The following RAB40A variants were observed in gnomAD, a reference collection of about 807,000 sequenced individuals.
RAB40A encodes the protein ras-related protein Rab-40A.
For missense variants in RAB40A, 145 were observed against 230.2 expected, an observed-to-expected ratio of 0.63 and a Z score of 2.40; for synonymous variants, 65 against 99.9, an observed-to-expected ratio of 0.65 and a Z score of 2.08.
chrX:103,495,821 A>G (rs2073166803), downstream of RAB40A, among the ~76,000 whole-genome samples: 1 of 111,892 alleles, frequency 8.9e-6, no homozygotes, highest in Non-Finnish European at 1.9e-5. Flanking sequence ...TCTTTTGGCT[A>G]TGTACCTAGG....
At chrX:103,503,958 C>T (rs766859140) in intron 2 of RAB40A, among the ~76,000 whole-genome samples, 1 of 111,759 alleles carries the variant, frequency 8.9e-6, no homozygotes, top group East Asian at 2.8e-4. Context: ...AACATGTGCA[C>T]AGTACTTTTG....
intron 1 of RAB40A, 144 bp downstream of exon 1, chrX:103,519,226 T>C (rs1341764061): frequency 8.9e-6 from 1 of 112,025 alleles, no homozygotes; most frequent in Non-Finnish European, 1.9e-5. Flanking sequence ...CTGGGATACA[T>C]GTGGAGAATG....
In RAB40A at chrX:103,499,324, T is replaced by C. The variant is rs1187963564; in HGVS notation, c.*599A>G. On this transcript the variant is annotated 3_prime_UTR_variant, in exon 3 of 3. Transcript: ENST00000304236. The stretch of plus-strand genomic sequence containing the variant: ...AAAAAAGTAGATTTACAGAAAAACA[T>C]ACATATAAATCACGTATTAATCCCC... 8.2e-6 allele frequency: 1 copy of C among 122,684 alleles called. No homozygotes were observed. Among genetic ancestry groups the C allele is most frequent in the African/African-American group, 3.2e-5 (1 of 30,888 alleles). The allele number at this position is 122,684 out of a possible 1,213,427, so 10.1% of individuals were successfully genotyped here.
intron 2 of RAB40A, among the ~76,000 whole-genome samples, chrX:103,512,057 T>TA (rs1175607376): frequency 2.7e-5 from 3 of 111,106 alleles, no homozygotes; most frequent in Non-Finnish European, 5.7e-5. Context: ...CACCAGATAC[T>TA]AGGAACAGGA....
Position 103,500,776 on chromosome X carries a change from C to A in RAB40A, c.-20G>T, listed in dbSNP as rs1409548356. 1 of 1,201,892 alleles carries A rather than the reference C, an allele frequency of 8.3e-7. No homozygotes were observed. The highest frequency in any genetic ancestry group is 2.3e-4 in the Middle Eastern group (1 of 4,283). On this transcript the variant is annotated 5_prime_UTR_variant, in exon 3 of 3. Transcript: ENST00000304236. Reference sequence around the variant, plus strand: ...GCTCATGGTGCTGGCCCCGCACTCCCGCCTGAGCCAGGCCCGCGGGGTTGT... The same window carrying A: ...GCTCATGGTGCTGGCCCCGCACTCCAGCCTGAGCCAGGCCCGCGGGGTTGT...
downstream of RAB40A, among the ~76,000 whole-genome samples, chrX:103,495,113 T>C (rs1424061196): frequency 8.9e-6 from 1 of 112,066 alleles, no homozygotes; most frequent in Non-Finnish European, 1.9e-5. Flanking sequence ...TAGCTTTCAT[T>C]ATAGAGGCCT....
chrX:103,501,374 G>C (rs2073226974), intron 2 of RAB40A: 1 of 123,975 alleles, frequency 8.1e-6, no homozygotes, highest in Admixed American at 9.4e-5. Context: ...GGCCATGCCG[G>C]GTTTAGGAGT....
At position 103,500,228 on chromosome X, in the gene RAB40A, G is replaced by A; in HGVS notation, c.529C>T (p.Arg177Trp). Residue 177 changes from arginine (R) to tryptophan (W), a missense_variant, in exon 3 of 3, where the codon CGG becomes TGG. Transcript: ENST00000304236. ...CTCCCGAGCCAATTCATCCTGTGCC[G>A]CAGCAGCACTATCCTGGCCAGCTCC... ...FTELARIVLL[R>W]HRMNWLGRPS... 1.5e-5 allele frequency: 18 copies of A among 1,211,219 alleles called. No homozygotes were observed. The highest frequency in any genetic ancestry group is 1.9e-5 in the Non-Finnish European group (17 of 895,008).
chrX:103,500,936 T>C (rs900723623), intron 2 of RAB40A, 110 bp from the exon 3 acceptor site: 978 of 881,061 alleles, frequency 1.1e-3, no homozygotes, highest in Non-Finnish European at 1.4e-3. Context: ...CCTAGGAAAC[T>C]GATTCAGCGA....
At chrX:103,498,791 G>C (rs1181841379), downstream of RAB40A, among the ~76,000 whole-genome samples, 6 of 112,229 alleles carry the variant, frequency 5.3e-5, no homozygotes. Flanking sequence ...AATTACAAAA[G>C]AGTACAAGGA....
intron 2 of RAB40A, among the ~76,000 whole-genome samples, chrX:103,508,868 G>C (rs1231273118): frequency 8.9e-6 from 1 of 111,742 alleles, no homozygotes; most frequent in Non-Finnish European, 1.9e-5. Context: ...TTTAGTGTGT[G>C]TGTGTAGATA....
At chrX:103,513,736 G>A (rs902222436) in intron 2 of RAB40A, among the ~76,000 whole-genome samples, 4 of 110,477 alleles carry the variant, frequency 3.6e-5, no homozygotes, top group African/African-American at 1.3e-4. Flanking sequence ...TTTCACATTC[G>A]AGATACACTG....
intron 2 of RAB40A, among the ~76,000 whole-genome samples, chrX:103,509,204 G>A (rs73520355): frequency 0.15 from 16,648 of 110,415 alleles, 3,103 homozygotes; most frequent in African/African-American, 0.52. Context: ...ACTTCTTCAC[G>A]TCAACTTTTA....
chrX:103,512,218 G>A (rs915964899), intron 2 of RAB40A, among the ~76,000 whole-genome samples: 2 of 111,938 alleles, frequency 1.8e-5, no homozygotes, highest in African/African-American at 6.5e-5. Context: ...AACTGTGAGA[G>A]ACTAAATTTC....
At position 103,506,832 on chromosome X, in the gene RAB40A, T is replaced by G. The variant is rs1429655713; in HGVS notation, c.-70-6006A>C. On this transcript the variant is annotated intron_variant, in intron 2 of 2. Coordinates refer to ENST00000304236, the MANE Select transcript of RAB40A (RefSeq NM_080879.3). ...TCCAAAAGTACAATCATAGTCCTCA[T>G]TTTTTGCATCTTGTCATTATAAATT... 4.5e-5 allele frequency among the ~76,000 whole-genome samples: 5 copies of G among 111,988 alleles called. No homozygotes were observed. In the Admixed American group the frequency reaches 4.7e-4, roughly 11 times the overall value.
chrX:103,500,930 G>A (rs1018289197), intron 2 of RAB40A, 104 bp from the exon 3 acceptor site: 2 of 913,200 alleles, frequency 2.2e-6, no homozygotes, highest in African/African-American at 4.0e-5. Flanking sequence ...ACAAACCCTA[G>A]GAAACTGATT....
intron 2 of RAB40A, among the ~76,000 whole-genome samples, chrX:103,514,053 G>A (rs970089636): frequency 9.0e-6 from 1 of 111,531 alleles, no homozygotes; most frequent in African/African-American, 3.3e-5. Flanking sequence ...CATGTAAACT[G>A]GAAAAGTGGT....
At chrX:103,505,633 C>G (rs1398296596) in intron 2 of RAB40A, among the ~76,000 whole-genome samples, 1 of 111,435 alleles carries the variant, frequency 9.0e-6, no homozygotes, top group East Asian at 2.8e-4. Context: ...TGCCTGTTTA[C>G]TTCTTTTGCT....
rs142225101 is a variant in RAB40A, at chrX:103,514,795, T to C, written c.-71+2579A>G. On this transcript the variant is annotated intron_variant, in intron 2 of 2. Coordinates refer to ENST00000304236, the MANE Select transcript of RAB40A (RefSeq NM_080879.3). ...CTATGACTAGTTCTGATTATAAAAA[T>C]GATTTGTATCAATTTAGAAGTTGTG... 5.4e-4 allele frequency among the ~76,000 whole-genome samples: 61 copies of C among 112,438 alleles called. 2 individuals carry two copies. In the East Asian group the frequency reaches 0.015, roughly 27 times the overall value.
Sources: allele counts gnomAD v4.1 joint callset (sites outside exome capture counted in the v4.1 genomes callset), GRCh38; gene constraint gnomAD v4.1.1; transcripts MANE v1.5; gene names NCBI Gene and HGNC (gene_info 2026-07-23, HGNC 2026-07-21).